Variants in CHRD observed in about 807,000 individuals in gnomAD.
The protein encoded by CHRD is chordin.
CHRD carries 69 observed loss-of-function variants against 113.7 expected under a neutral mutation model. That is an observed-to-expected ratio of 0.61 (90% CI 0.50 to 0.74). The LOEUF is 0.74. CHRD is among the 30% of genes least tolerant of loss of function. The pLI is 0.00. For missense variants in CHRD, 1,194 were observed against 1,295.8 expected, an observed-to-expected ratio of 0.92 and a Z score of 1.21; for synonymous variants, 561 against 540.8, an observed-to-expected ratio of 1.04 and a Z score of -0.52.
exon 23 of CHRD, chr3:184,389,493 T>G: frequency 7.2e-7 from 1 of 1,386,380 alleles, no homozygotes; most frequent in Non-Finnish European, 1.0e-6. Flanking sequence ...TCGAGGACCT[T>G]CTTGCATTCT....
downstream of CHRD, chr3:184,389,965 C>T (rs149618916): frequency 1.4e-3 from 215 of 153,870 alleles, 1 homozygote; most frequent in African/African-American, 4.5e-3. Flanking sequence ...CAGAGGATAG[C>T]GTGGCAGTTG....
chr3:184,382,655 C>G, exon 8 of CHRD: 1 of 1,613,548 alleles, frequency 6.2e-7, no homozygotes, highest in Non-Finnish European at 8.5e-7. Flanking sequence ...GCCATCCTGA[C>G]TCTAGAAGGC....
Position 184,383,304 on chromosome 3 carries a change from C to T in CHRD, c.1214-8C>T. The T allele has an allele frequency of 6.2e-7, 1 of 1,612,330 alleles. No individual in the cohort carries two copies. Among genetic ancestry groups the T allele is most frequent in the Non-Finnish European group, 8.5e-7 (1 of 1,179,180 alleles). ...AAACCTAGCCTCACCTGTCTTGCCC[C>T]TCCGTAGTCCTGCAAAGTGTCCTTT... On this transcript the variant is annotated splice_region_variant and splice_polypyrimidine_tract_variant and intron_variant, in intron 10 of 22. Transcript: ENST00000204604.
Position 184,386,870 on chromosome 3 carries a change from T to C in CHRD, c.2222T>C (p.Val741Ala), listed in dbSNP as rs761679640. The C allele has an allele frequency of 3.7e-5, 60 of 1,614,036 alleles. No homozygotes were observed. Among genetic ancestry groups the C allele is most frequent in the Non-Finnish European group, 4.5e-5 (53 of 1,180,030 alleles). The change falls in exon 17 of 23, where the codon GTG (valine) becomes GCG (alanine). Residue 741 changes from valine (V) to alanine (A), a missense_variant. Val to Ala is a moderately conservative substitution (Grantham distance 64, BLOSUM62 0). Coordinates refer to ENST00000204604, the Ensembl canonical transcript of CHRD. Reference sequence around the variant, plus strand: ...AGACGAACGGTGATCTGTGACCCGGTGGTGTGCCCACCGCCCAGCTGCCCA... The same window carrying C: ...AGACGAACGGTGATCTGTGACCCGGCGGTGTGCCCACCGCCCAGCTGCCCA...
chr3:184,390,255 C>T (rs1315898047), downstream of CHRD: 1 of 130,462 alleles, frequency 7.7e-6, no homozygotes, highest in African/African-American at 2.9e-5. Context: ...TCTCCCTTCC[C>T]TCTCCCTTCC....
rs868088827 is a variant in CHRD, at chr3:184,387,010, G to A, written c.2291-41G>A. The stretch of plus-strand genomic sequence containing the variant: ...ACAGGTCCTTTGGGGAGGGAATGAG[G>A]GTGGTCACTCTCTGCTTTCACCATT... On this transcript the variant is annotated intron_variant, in intron 17 of 22. Coordinates refer to ENST00000204604, the Ensembl canonical transcript of CHRD. The surrounding 1 kb of genome is among the most constrained non-coding windows in gnomAD (Gnocchi z 6.1). 2 of 1,613,632 alleles carry A rather than the reference G, an allele frequency of 1.2e-6. No homozygotes were observed. The highest frequency in any genetic ancestry group is 1.7e-6 in the Non-Finnish European group (2 of 1,179,546).
chr3:184,383,192 G>C, intron 10 of CHRD, 29 bp downstream of exon 10: 2 of 1,592,378 alleles, frequency 1.3e-6, no homozygotes, highest in Non-Finnish European at 1.7e-6. Context: ...CTGGTGCGCC[G>C]GGCATGCACA....
chr3:184,388,934 A>G lies in CHRD; in HGVS notation c.2751A>G (p.Pro917=). ...GTGAGCGGGATGACTGTTCACTGCC[A>G]CTGTCCTGTGGCTCGGGGAAGGAGA... is the stretch of plus-strand genomic sequence containing the variant. The change falls in exon 22 of 23, where the codon CCA becomes CCG. Residue 917 remains proline, a synonymous_variant. Transcript: ENST00000204604. This position sits in a 1 kb window ranked among gnomAD's most constrained non-coding sequence, Gnocchi z 6.1. 1 of 1,613,402 alleles carries G rather than the reference A, an allele frequency of 6.2e-7. No homozygotes were observed. Among genetic ancestry groups the G allele is most frequent in the Admixed American group, 1.7e-5 (1 of 60,024 alleles).
At chr3:184,382,673 A>G in exon 8 of CHRD, 1 of 1,613,754 alleles carries the variant, frequency 6.2e-7, no homozygotes, top group Non-Finnish European at 8.5e-7. Context: ...GGCCCCCCAC[A>G]GCAGGGCGTA....
rs555508396 is a variant in CHRD at position 184,387,829 on chromosome 3, G to A, written c.2452-102G>A. On this transcript the variant is annotated intron_variant, in intron 19 of 22. Coordinates refer to ENST00000204604, the Ensembl canonical transcript of CHRD. This position sits in a 1 kb window ranked among gnomAD's most constrained non-coding sequence, Gnocchi z 6.1. ...AGCCAGTCCGGGCCTCTGAGTAAAA[G>A]GCCACAGAGAGACTGCATTTGAGGT... 2 of 1,078,868 alleles carry A rather than the reference G, an allele frequency of 1.9e-6. No individual in the cohort carries two copies. Among genetic ancestry groups the A allele is most frequent in the South Asian group, 2.8e-5 (2 of 72,490 alleles). 66.8% of individuals were successfully genotyped at this position (1,078,868 alleles called of 1,614,324 possible).
At position 184,383,172 on chromosome 3, in the gene CHRD, G is replaced by GT. The variant is rs1553865806; in HGVS notation, c.1213+9_1213+10insT. Reference sequence around the variant, plus strand: ...CAGGAAGAGCTGCGACGGTGAGGCGGGGGGGGGGCCTGGTGCGCCGGGCAT... The same window carrying GT: ...CAGGAAGAGCTGCGACGGTGAGGCGGTGGGGGGGGCCTGGTGCGCCGGGCAT... On this transcript the variant is annotated intron_variant, in intron 10 of 22. Coordinates refer to ENST00000204604, the Ensembl canonical transcript of CHRD. 6 of 1,569,724 alleles carry GT rather than the reference G, an allele frequency of 3.8e-6. No homozygotes were observed. The highest frequency in any genetic ancestry group is 4.3e-6 in the Non-Finnish European group (5 of 1,155,834).
rs1369443553 is a variant in CHRD at position 184,387,895 on chromosome 3, C to T, written c.2452-36C>T. 1 of 1,573,892 alleles carries T rather than the reference C, an allele frequency of 6.4e-7. No individual in the cohort carries two copies. Among genetic ancestry groups the T allele is most frequent in the Non-Finnish European group, 8.7e-7 (1 of 1,153,642 alleles). ...GAGTGGGCAGGAGGCTTATGTGCCCCCTGCCTGACACTCCTTGCTCAATGG... is the reference window on the plus strand; with the variant it reads ...GAGTGGGCAGGAGGCTTATGTGCCCTCTGCCTGACACTCCTTGCTCAATGG... On this transcript the variant is annotated intron_variant, in intron 19 of 22. Transcript: ENST00000204604. The surrounding 1 kb of genome is among the most constrained non-coding windows in gnomAD (Gnocchi z 6.1).
In CHRD at chr3:184,382,622, T is replaced by C. The variant is rs1172015670; in HGVS notation, c.842-12T>C. On this transcript the variant is annotated splice_polypyrimidine_tract_variant and intron_variant, in intron 7 of 22. Transcript: ENST00000204604. ...GGTTTCTGACGGGCTCTCATCATCG[T>C]CCCTTCCCCAGAGACCTTCAGTGCC... 1.2e-6 allele frequency: 2 copies of C among 1,611,928 alleles called. No homozygotes were observed. The highest frequency in any genetic ancestry group is 1.7e-6 in the Non-Finnish European group (2 of 1,178,656).
chr3:184,387,014 G>A lies in CHRD; in HGVS notation c.2291-37G>A. The A allele has an allele frequency of 6.2e-7, 1 of 1,613,844 alleles. No individual in the cohort carries two copies. The highest frequency in any genetic ancestry group is 1.1e-5 in the South Asian group (1 of 91,066). On this transcript the variant is annotated intron_variant, in intron 17 of 22. Transcript: ENST00000204604. The surrounding 1 kb of genome is among the most constrained non-coding windows in gnomAD (Gnocchi z 6.1). The stretch of plus-strand genomic sequence containing the variant: ...GTCCTTTGGGGAGGGAATGAGGGTG[G>A]TCACTCTCTGCTTTCACCATTTCTT...
rs186990063 is a variant in CHRD at position 184,382,428 on chromosome 3, C to G, written c.739C>G (p.Arg247Gly). 11 of 1,613,968 alleles carry G rather than the reference C, an allele frequency of 6.8e-6. No individual in the cohort carries two copies. Among genetic ancestry groups the G allele is most frequent in the East Asian group, 2.2e-5 (1 of 44,886 alleles). Residue 247 changes from arginine (R) to glycine (G), a missense_variant, in exon 7 of 23, where the codon CGG becomes GGG. By Grantham distance (125) the Arg-to-Gly change is moderately radical. Coordinates refer to ENST00000204604, the Ensembl canonical transcript of CHRD. ...GCGGGCAGTGCCTCGGTTGTCTCTG[C>G]GGCTCCTTAGGGCAGAACAGCTGCA...
exon 8 of CHRD, chr3:184,382,766 G>C: frequency 6.2e-7 from 1 of 1,613,956 alleles, no homozygotes; most frequent in Non-Finnish European, 8.5e-7. Flanking sequence ...CTGGAACCCA[G>C]GAGTGGGGGT....
chr3:184,384,841 C>G lies in CHRD; in HGVS notation c.1597+148C>G. On this transcript the variant is annotated intron_variant, in intron 13 of 22. Coordinates refer to ENST00000204604, the Ensembl canonical transcript of CHRD. This position sits in a 1 kb window ranked among gnomAD's most constrained non-coding sequence, Gnocchi z 4.4. ...GGGACATATAGGGTGGCCCTGCTGGCGGACTCTTCCTGTTGCTGAGGTTCA... is the reference window on the plus strand; with the variant it reads ...GGGACATATAGGGTGGCCCTGCTGGGGGACTCTTCCTGTTGCTGAGGTTCA... The G allele has an allele frequency of 8.1e-7, 1 of 1,233,010 alleles. No homozygotes were observed. Among genetic ancestry groups the G allele is most frequent in the South Asian group, 1.5e-5 (1 of 67,984 alleles). The allele number at this position is 1,233,010 out of a possible 1,614,324, so 76.4% of individuals were successfully genotyped here.
intron 14 of CHRD, 94 bp from the exon 15 acceptor site, chr3:184,385,952 C>T: frequency 7.7e-7 from 1 of 1,305,768 alleles, no homozygotes; most frequent in Non-Finnish European, 1.1e-6. Context: ...TTTATTTAAC[C>T]TCCCTGGCTC....
rs1252090378 is a variant in CHRD at position 184,387,805 on chromosome 3, G to A, written c.2452-126G>A. The A allele has an allele frequency of 1.2e-6, 1 of 852,186 alleles. No individual in the cohort carries two copies. Among genetic ancestry groups the A allele is most frequent in the South Asian group, 1.6e-5 (1 of 62,804 alleles). The allele number at this position is 852,186 out of a possible 1,614,324, so 52.8% of individuals were successfully genotyped here. On this transcript the variant is annotated intron_variant, in intron 19 of 22. Transcript: ENST00000204604. This position sits in a 1 kb window ranked among gnomAD's most constrained non-coding sequence, Gnocchi z 6.1. Reference sequence around the variant, plus strand: ...GAGGAGCTGAGTTTAGGTCTATAAAGCCAGTCCGGGCCTCTGAGTAAAAGG... The same window carrying A: ...GAGGAGCTGAGTTTAGGTCTATAAAACCAGTCCGGGCCTCTGAGTAAAAGG...
Sources: gnomAD v4.1 joint callset for allele counts on GRCh38, gnomAD v4.1.1 for gene constraint, Gnocchi (gnomAD v3.1) non-coding constraint, MANE v1.5 for transcripts, NCBI Gene and HGNC (gene_info 2026-07-23, HGNC 2026-07-21) for gene names.